NCK1: variants seen among roughly 807,000 people sequenced by gnomAD.
The protein encoded by NCK1 is NCK adaptor protein 1.
A neutral mutation model predicts 36.6 loss-of-function variants in NCK1; 19 were observed. That is an observed-to-expected ratio of 0.52 (90% CI 0.36 to 0.76). The LOEUF (loss-of-function observed/expected upper bound fraction) is 0.76. Ranked by LOEUF, NCK1 falls within the 30% of genes least tolerant of loss-of-function variation. The pLI is 0.00. For missense variants in NCK1, 358 were observed against 445.6 expected (o/e 0.80, Z 1.77); for synonymous variants, 165 against 156.0 (o/e 1.06, Z -0.43).
At position 136,943,094 on chromosome 3, in the gene NCK1, A is replaced by G. The variant is rs4586757; in HGVS notation, c.227-2489A>G. Among the ~76,000 whole-genome samples the G allele has an allele frequency of 2.2e-4, 34 of 151,808 alleles. No individual in the cohort carries two copies. The East Asian group carries it at 6.6e-3, about 29-fold the overall frequency. ...ATGCGATAGCACTCTCTTTACCACA[A>G]AGCAGCAACTTCTTTCTTTACCAAG... On this transcript the variant is annotated intron_variant, in intron 2 of 3. Coordinates refer to ENST00000481752, the MANE Select transcript of NCK1 (RefSeq NM_001291999.2).
chr3:136,911,904 A>G (rs578249163), intron 1 of NCK1, among the ~76,000 whole-genome samples: 46 of 152,140 alleles, frequency 3.0e-4, no homozygotes, highest in Non-Finnish European at 5.3e-4. Context: ...TAATTAGACT[A>G]TTAGACTATA....
At chr3:136,931,553 A>C (rs533823487) in intron 2 of NCK1, among the ~76,000 whole-genome samples, 6 of 135,404 alleles carry the variant, frequency 4.4e-5, no homozygotes, top group Admixed American at 8.1e-5. Context: ...AGTTACTAAA[A>C]TTTCAGATCT....
intron 2 of NCK1, among the ~76,000 whole-genome samples, chr3:136,942,598 A>C (rs1458744416): frequency 6.6e-6 from 1 of 152,186 alleles, no homozygotes; most frequent in Non-Finnish European, 1.5e-5. Flanking sequence ...GCCTTTGCTT[A>C]CTGTTTGCTC....
intron 2 of NCK1, among the ~76,000 whole-genome samples, chr3:136,931,208 C>T (rs746446300): frequency 6.6e-6 from 1 of 152,086 alleles, no homozygotes; most frequent in Non-Finnish European, 1.5e-5. Flanking sequence ...GAGTTTGGGT[C>T]ATGAAGTAAA....
chr3:136,878,898 C>T (rs1054767818), intron 1 of NCK1, among the ~76,000 whole-genome samples: 7 of 152,158 alleles, frequency 4.6e-5, no homozygotes, highest in East Asian at 1.9e-4. Context: ...ATATTGAGAC[C>T]GTTACTGAGG....
At chr3:136,919,153 A>G (rs1470873866) in intron 1 of NCK1, among the ~76,000 whole-genome samples, 2 of 152,212 alleles carry the variant, frequency 1.3e-5, no homozygotes, top group Admixed American at 1.3e-4. Context: ...GGGACAGAAA[A>G]TAGATCAATA....
intron 1 of NCK1, among the ~76,000 whole-genome samples, chr3:136,901,363 CT>C (rs112842166): frequency 1.3e-4 from 17 of 134,718 alleles, no homozygotes; most frequent in South Asian, 2.4e-4. Context: ...AGTTTTCTTT[CT>C]TTTTTTTTTT....
chr3:136,884,543 C>T (rs1348918327), intron 1 of NCK1, among the ~76,000 whole-genome samples: 1 of 151,952 alleles, frequency 6.6e-6, no homozygotes, highest in Admixed American at 6.6e-5. Context: ...TGGGTTCAGG[C>T]GATTCTTGTG....
chr3:136,946,186 T>G lies in NCK1; in HGVS notation c.830T>G (p.Phe277Cys). The G allele has an allele frequency of 6.2e-7, 1 of 1,613,568 alleles. No homozygotes were observed. Among genetic ancestry groups the G allele is most frequent in the South Asian group, 1.1e-5 (1 of 91,056 alleles). Reference protein sequence around the residue: ...DYIRPSLTGKFAGNPWYYGKV... With the variant: ...DYIRPSLTGKCAGNPWYYGKV... ...ATTAGGCCTTCACTCACTGGAAAGT[T>G]TGCTGGCAATCCTTGGTATTATGGC... The change falls in exon 3 of 4, where the codon TTT (phenylalanine) becomes TGT (cysteine). Residue 277 changes from phenylalanine (F) to cysteine (C), a missense_variant. By Grantham distance (205) the Phe-to-Cys change is radical (BLOSUM62 -2). Transcript: ENST00000481752.
chr3:136,945,613 T>C lies in NCK1; in HGVS notation c.257T>C (p.Val86Ala). ...GGAAAAGTGAAAAGAAAACCTAGTG[T>C]GCCAGATTCTGCATCTCCTGCTGAT... ...GIGKVKRKPS[V>A]PDSASPADDS... Residue 86 changes from valine to alanine, a missense_variant, in exon 3 of 4, where the codon GTG (valine) becomes GCG (alanine). Physicochemically the swap from Val to Ala is moderately conservative, Grantham distance 64. Coordinates refer to ENST00000481752, the MANE Select transcript of NCK1 (RefSeq NM_001291999.2). 1 of 1,612,288 alleles carries C rather than the reference T, an allele frequency of 6.2e-7. No homozygotes were observed. Among genetic ancestry groups the C allele is most frequent in the South Asian group, 1.1e-5 (1 of 90,838 alleles).
intron 1 of NCK1, among the ~76,000 whole-genome samples, chr3:136,914,670 C>CT (rs764746767): frequency 4.6e-5 from 7 of 152,148 alleles, no homozygotes; most frequent in Non-Finnish European, 1.0e-4. Context: ...TGTTTCAGAT[C>CT]TTTTTTGCGC....
intron 1 of NCK1, among the ~76,000 whole-genome samples, chr3:136,902,095 A>T (rs1939555363): frequency 6.6e-6 from 1 of 151,002 alleles, no homozygotes; most frequent in African/African-American, 2.4e-5. Flanking sequence ...TTTCTTCCTT[A>T]ATGTCTTCCT....
intron 1 of NCK1, among the ~76,000 whole-genome samples, chr3:136,879,929 C>G (rs374022073): frequency 6.7e-6 from 1 of 149,728 alleles, no homozygotes; most frequent in Non-Finnish European, 1.5e-5. Flanking sequence ...CAACGTGGCA[C>G]GTGTATACCT....
At chr3:136,893,675 G>A (rs573863122) in intron 1 of NCK1, among the ~76,000 whole-genome samples, 1 of 152,218 alleles carries the variant, frequency 6.6e-6, no homozygotes, top group South Asian at 2.1e-4. Flanking sequence ...TGAGGCATGA[G>A]ACTTTTGATA....
In NCK1 at chr3:136,899,714, C is replaced by G. The variant is rs1939489150; in HGVS notation, c.-18-28270C>G. The stretch of plus-strand genomic sequence containing the variant: ...CACTGCAATTAGAGATACGAGGAGA[C>G]TTACTCACTGTTTCTGTTCTACTAT... On this transcript the variant is annotated intron_variant, in intron 1 of 3. Coordinates refer to ENST00000481752, the MANE Select transcript of NCK1 (RefSeq NM_001291999.2). The G allele has an allele frequency of 3.6e-6, 3 of 828,676 alleles. No homozygotes were observed. The Admixed American group carries it at 5.2e-5, about 14-fold the overall frequency. 51.3% of individuals were successfully genotyped at this position (828,676 alleles called of 1,614,324 possible).
At chr3:136,867,047 CTTT>C (rs56143028) in intron 1 of NCK1, among the ~76,000 whole-genome samples, 1 of 130,660 alleles carries the variant, frequency 7.7e-6, no homozygotes, top group East Asian at 2.6e-4. Context: ...ATGTTGCTTG[CTTT>C]TCTTTCTTTC....
chr3:136,869,807 G>T (rs1051140769), intron 1 of NCK1, among the ~76,000 whole-genome samples: 2 of 151,768 alleles, frequency 1.3e-5, no homozygotes, highest in Non-Finnish European at 2.9e-5. Flanking sequence ...TTTATTTTTT[G>T]GTTGTTAATA....
In NCK1 at chr3:136,948,423, A is replaced by G. The variant is rs1189309823; in HGVS notation, c.1104A>G (p.Glu368=). 1 of 1,612,768 alleles carries G rather than the reference A, an allele frequency of 6.2e-7. No individual in the cohort carries two copies. The highest frequency in any genetic ancestry group is 2.2e-5 in the East Asian group (1 of 44,840). ...CAATTTTTACAAGTGAACAAGGAGA[A>G]AAATTATATCTTGTCAAGCATTTAT... ...KAPIFTSEQG[E]KLYLVKHLS The change falls in exon 4 of 4, where the codon GAA becomes GAG. Residue 368 remains glutamate, a synonymous_variant. Coordinates refer to ENST00000481752, the MANE Select transcript of NCK1 (RefSeq NM_001291999.2).
intron 2 of NCK1, among the ~76,000 whole-genome samples, chr3:136,936,949 TTA>T (rs1940546608): frequency 6.6e-6 from 1 of 152,246 alleles, no homozygotes. Flanking sequence ...TGATAGTGTG[TTA>T]TACACAAATG....
Sources: gnomAD v4.1 joint callset for allele counts (sites outside exome capture counted in the v4.1 genomes callset) on GRCh38, gnomAD v4.1.1 for gene constraint, MANE v1.5 for transcripts, NCBI Gene and HGNC (gene_info 2026-07-23, HGNC 2026-07-21) for gene names.